Variants in USP48 observed in about 807,000 individuals in gnomAD.
USP48 encodes ubiquitin specific peptidase 48, also known as ubiquitin carboxyl-terminal hydrolase 48.
Under a neutral mutation model 150.7 loss-of-function variants are expected in USP48, and 43 were observed. That is an observed-to-expected ratio of 0.29 (90% confidence interval 0.22 to 0.37). USP48 has a LOEUF of 0.37. Ranked by LOEUF, USP48 falls within the 10% of genes least tolerant of loss-of-function variation. The pLI is 1.00. For missense variants in USP48, 813 were observed against 1,249.6 expected (o/e 0.65, Z 5.27); for synonymous variants, 396 against 425.9 (o/e 0.93, Z 0.86).
rs565211315 is a variant in USP48 at position 21,678,624 on chromosome 1, C to T, written c.*793G>A. The T allele has an allele frequency of 3.3e-5, 5 of 152,288 alleles. No homozygotes were observed. The highest frequency in any genetic ancestry group is 3.9e-4 in the East Asian group (2 of 5,190). The allele number at this position is 152,288 out of a possible 1,614,324, so 9.4% of individuals were successfully genotyped here. ...GGTAGTCAGATTTTTTATTTTCAAA[C>T]GTGCCAGGTACATTTCCCACTTTTG... is the stretch of plus-strand genomic sequence containing the variant. On this transcript the variant is annotated 3_prime_UTR_variant, in exon 27 of 27. Coordinates refer to ENST00000308271, the MANE Select transcript of USP48 (RefSeq NM_032236.8).
Position 21,694,591 on chromosome 1 carries a change from AAAAAAAAAAAAAAAAAC to A in USP48, c.2883+458_2883+474del, listed in dbSNP as rs1305680800. Among the ~76,000 whole-genome samples, 724 of 140,016 alleles carry A rather than the reference AAAAAAAAAAAAAAAAAC, an allele frequency of 5.2e-3. 12 individuals are homozygous for A. Among genetic ancestry groups the A allele is most frequent in the Non-Finnish European group, 9.0e-3 (580 of 64,368 alleles). 91.9% of individuals were successfully genotyped at this position (140,016 alleles called of 152,430 possible). A position where few individuals can be genotyped will look rare whatever the true frequency, so the allele number is the denominator to read the frequency against. Reference sequence around the variant, plus strand: ...TCTCACCAAAAAAAAAAAAAAAAAAAAAAAAAAAAAAAAAAACCCCCTCTATCTATCAAATAGATTTA... The same window carrying A: ...TCTCACCAAAAAAAAAAAAAAAAAAACCCCTCTATCTATCAAATAGATTTA... On this transcript the variant is annotated intron_variant, in intron 23 of 26. Coordinates refer to ENST00000308271, the MANE Select transcript of USP48 (RefSeq NM_032236.8).
At chr1:21,682,009 C>T (rs1316710533) in intron 25 of USP48, among the ~76,000 whole-genome samples, 1 of 152,194 alleles carries the variant, frequency 6.6e-6, no homozygotes, top group Non-Finnish European at 1.5e-5. Flanking sequence ...TCTGAGACTT[C>T]CCTTCACCAT....
chr1:21,724,173 A>C (rs1557502254), intron 11 of USP48, 78 bp from the exon 12 acceptor site: 1 of 1,390,844 alleles, frequency 7.2e-7, no homozygotes, highest in East Asian at 2.4e-5. Flanking sequence ...TTTTCTCAAA[A>C]GACAATGCAA....
rs2097819229 is a variant in USP48 at position 21,752,545 on chromosome 1, T to A, written c.647A>T (p.Glu216Val). 1.2e-6 allele frequency: 2 copies of A among 1,612,064 alleles called. No individual in the cohort carries two copies. The highest frequency in any genetic ancestry group is 2.2e-5 in the South Asian group (2 of 90,532). Residue 216 changes from glutamate to valine, a missense_variant, in exon 5 of 27, where the codon GAA (glutamate) becomes GTA (valine). By Grantham distance (121) the Glu-to-Val change is moderately radical (BLOSUM62 -2). Coordinates refer to ENST00000308271, the MANE Select transcript of USP48 (RefSeq NM_032236.8). ...RNIVQQQFCG[E>V]YAYVTVCNQC... ...GACTTACACAGTTACATAGGCATAT[T>A]CTCCACAGAACTGCTGTTGAACAAT...
At chr1:21,720,901 C>T (rs566441713) in intron 14 of USP48, 135 bp downstream of exon 14, 5 of 1,180,022 alleles carry the variant, frequency 4.2e-6, no homozygotes, top group Admixed American at 4.4e-5. Flanking sequence ...GCTGGCACAA[C>T]CGCTGGGCTC....
At chr1:21,736,115 A>G (rs1014829404) in intron 9 of USP48, among the ~76,000 whole-genome samples, 7 of 151,932 alleles carry the variant, frequency 4.6e-5, no homozygotes, top group African/African-American at 1.7e-4. Context: ...TGACAAAAAA[A>G]ATTTTGTCAG....
At chr1:21,751,727 T>G in intron 5 of USP48, 112 bp from the exon 6 acceptor site, 2 of 796,596 alleles carry the variant, frequency 2.5e-6, no homozygotes, top group Non-Finnish European at 4.0e-6. Flanking sequence ...TCATTAGTTC[T>G]CCTTCACAGA....
In USP48 at chr1:21,687,191, C is replaced by G. The variant is rs2097582470; in HGVS notation, c.3058G>C (p.Val1020Leu). 1 of 1,612,590 alleles carries G rather than the reference C, an allele frequency of 6.2e-7. No homozygotes were observed. Among genetic ancestry groups the G allele is most frequent in the African/African-American group, 1.3e-5 (1 of 74,894 alleles). Residue 1020 changes from valine to leucine, a missense_variant and splice_region_variant, in exon 25 of 27, where the codon GTT (valine) becomes CTT (leucine). Transcript: ENST00000308271. ...ATTCCTAAAACAAATTCATCTTTAC[C>G]TTGCATGACATCATCCATTGCAGCA... ...DYAAMDDVMQ[V>L]CMPEEGFKGT...
intron 1 of USP48, among the ~76,000 whole-genome samples, chr1:21,770,435 T>C (rs1187011272): frequency 3.3e-5 from 5 of 151,316 alleles, no homozygotes; most frequent in Non-Finnish European, 4.4e-5. Flanking sequence ...TGGTGGTAGA[T>C]ATGGGACAGA....
At chr1:21,747,742 T>A (rs898198745) in intron 7 of USP48, among the ~76,000 whole-genome samples, 2 of 151,700 alleles carry the variant, frequency 1.3e-5, no homozygotes, top group African/African-American at 4.9e-5. Flanking sequence ...CCGGCTAATT[T>A]TTGTATTTTT....
At chr1:21,696,506 A>G (rs2097631865) in intron 22 of USP48, among the ~76,000 whole-genome samples, 1 of 152,240 alleles carries the variant, frequency 6.6e-6, no homozygotes, top group Admixed American at 6.5e-5. Flanking sequence ...TTCTAAGTCT[A>G]AAGTGATACA....
chr1:21,769,002 T>G (rs557569898), intron 1 of USP48, among the ~76,000 whole-genome samples: 2 of 152,306 alleles, frequency 1.3e-5, no homozygotes, highest in South Asian at 4.1e-4. Context: ...AGTCTCGTCA[T>G]GTATTTAATT....
chr1:21,747,742 T>C (rs898198745), intron 7 of USP48, among the ~76,000 whole-genome samples: 1 of 151,700 alleles, frequency 6.6e-6, no homozygotes, highest in Non-Finnish European at 1.5e-5. Flanking sequence ...CCGGCTAATT[T>C]TTGTATTTTT....
intron 12 of USP48, 114 bp from the exon 13 acceptor site, chr1:21,721,878 G>T: frequency 3.0e-6 from 2 of 677,272 alleles, no homozygotes; most frequent in Non-Finnish European, 4.6e-6. Context: ...AGTCACAAAT[G>T]TTGGCAATAT....
chr1:21,704,308 T>C lies in USP48; in HGVS notation c.2469A>G (p.Glu823=), dbSNP rs1246108128. The C allele has an allele frequency of 6.2e-7, 1 of 1,613,966 alleles. No individual in the cohort carries two copies. Among genetic ancestry groups the C allele is most frequent in the Non-Finnish European group, 8.5e-7 (1 of 1,179,954 alleles). ...TTTCTGAAGGGTTTACATCTCCCACTTCAATTCTCGTGATTTTAATTACAT... is the reference window on the plus strand; with the variant it reads ...TTTCTGAAGGGTTTACATCTCCCACCTCAATTCTCGTGATTTTAATTACAT... ...VDHVIKITRI[E]VGDVNPSETQ... Residue 823 remains glutamate, a synonymous_variant, in exon 20 of 27, where the codon GAA becomes GAG. Coordinates refer to ENST00000308271, the MANE Select transcript of USP48 (RefSeq NM_032236.8).
At chr1:21,682,307 G>C (rs1165574154) in intron 25 of USP48, among the ~76,000 whole-genome samples, 1 of 152,026 alleles carries the variant, frequency 6.6e-6, no homozygotes, top group Non-Finnish European at 1.5e-5. Flanking sequence ...CCTACTTCTA[G>C]ATGCTTTCAT....
At chr1:21,709,716 G>A (rs1351815317) in intron 15 of USP48, among the ~76,000 whole-genome samples, 3 of 152,118 alleles carry the variant, frequency 2.0e-5, no homozygotes, top group East Asian at 1.9e-4. Flanking sequence ...GTGGGTGCAC[G>A]GCTTCATTCT....
At chr1:21,682,034 T>C (rs1243676115) in intron 25 of USP48, among the ~76,000 whole-genome samples, 2 of 152,220 alleles carry the variant, frequency 1.3e-5, no homozygotes, top group Non-Finnish European at 2.9e-5. Flanking sequence ...TAGGGCATCT[T>C]ATCCTAGGCT....
At chr1:21,716,620 C>T (rs539331783) in intron 14 of USP48, among the ~76,000 whole-genome samples, 7 of 152,350 alleles carry the variant, frequency 4.6e-5, no homozygotes, top group African/African-American at 1.7e-4. Context: ...TTGCTGTTAA[C>T]ATTTCTCTTC....
Sources: allele counts gnomAD v4.1 joint callset (sites outside exome capture counted in the v4.1 genomes callset), GRCh38; gene constraint gnomAD v4.1.1; transcripts MANE v1.5; gene names NCBI Gene and HGNC (gene_info 2026-07-23, HGNC 2026-07-21).